The following EZR variants were observed in gnomAD, a reference collection of about 807,000 sequenced individuals.
EZR encodes the protein ezrin.
In EZR, 40 loss-of-function variants were observed where a neutral mutation model predicts 74.8. That is an observed-to-expected ratio of 0.53 (90% CI 0.42 to 0.70). EZR has a LOEUF of 0.70. EZR is among the 30% of genes least tolerant of loss of function. The pLI, the probability that EZR is intolerant of heterozygous loss-of-function variation, is 0.00. For synonymous variants in EZR, 341 were observed against 283.3 expected (o/e 1.20, Z -2.05); for missense variants, 678 against 755.8 (o/e 0.90, Z 1.21).
chr6:158,818,016 A>C (rs529924376), intron 2 of EZR, 66 bp downstream of exon 2: 1 of 1,540,548 alleles, frequency 6.5e-7, no homozygotes, highest in African/African-American at 1.4e-5. Context: ...CAACACCTCG[A>C]GCAGGTGCCT....
At chr6:158,773,192 G>T (rs1403088988) in intron 8 of EZR, among the ~76,000 whole-genome samples, 1 of 152,164 alleles carries the variant, frequency 6.6e-6, no homozygotes, top group African/African-American at 2.4e-5. Context: ...GGTTGTGGGG[G>T]TGCATGGGTG....
intron 2 of EZR, among the ~76,000 whole-genome samples, chr6:158,809,354 A>G (rs1363921010): frequency 1.3e-5 from 2 of 152,232 alleles, no homozygotes; most frequent in Non-Finnish European, 2.9e-5. Context: ...CAATGAGGAA[A>G]AAAGCAATTC....
At chr6:158,789,469 C>G (rs757804755) in intron 2 of EZR, 98 bp from the exon 3 acceptor site, 1 of 1,051,064 alleles carries the variant, frequency 9.5e-7, no homozygotes, top group Non-Finnish European at 1.5e-6. Context: ...AGTGTGGCGA[C>G]GGCATATGCC....
intron 7 of EZR, among the ~76,000 whole-genome samples, chr6:158,779,467 C>T (rs1465992202): frequency 2.0e-5 from 3 of 152,096 alleles, no homozygotes; most frequent in Non-Finnish European, 4.4e-5. Context: ...GGTATTTGGA[C>T]TACGGTTACA....
intron 2 of EZR, among the ~76,000 whole-genome samples, chr6:158,803,862 T>C (rs932207432): frequency 6.6e-6 from 1 of 151,958 alleles, no homozygotes; most frequent in African/African-American, 2.4e-5. Flanking sequence ...GTGCTCATTA[T>C]TATCAGCAAG....
rs188668595 is a variant in EZR, at chr6:158,793,251, A to T, written c.13-3880T>A. 1.6e-4 allele frequency among the ~76,000 whole-genome samples: 25 copies of T among 152,014 alleles called. No homozygotes were observed. In the East Asian group the frequency reaches 4.5e-3, roughly 27 times the overall value. ...GAGTGAGATCCTCTTTTAAAAAAAT[A>T]AAAATGATGATCAGGGAGTTGTTCT... On this transcript the variant is annotated intron_variant, in intron 2 of 13. Coordinates refer to ENST00000367075, the MANE Select transcript of EZR (RefSeq NM_001111077.2).
chr6:158,765,844 G>A lies in EZR; in HGVS notation c.*1070C>T, dbSNP rs1253041818. ...GAGAAAGCAGTGCACGAGAAGGAAT[G>A]AGTGGGCGGAACCAACGGCCTCCAC... On this transcript the variant is annotated 3_prime_UTR_variant, in exon 14 of 14. Transcript: ENST00000367075. 1 of 152,266 alleles carries A rather than the reference G, an allele frequency of 6.6e-6. No homozygotes were observed. Among genetic ancestry groups the A allele is most frequent in the Non-Finnish European group, 1.5e-5 (1 of 68,046 alleles). 9.4% of individuals were successfully genotyped at this position (152,266 alleles called of 1,614,324 possible).
chr6:158,767,342 A>G lies in EZR; in HGVS notation c.1515T>C (p.Ser505=), dbSNP rs1213208212. 3 of 1,613,710 alleles carry G rather than the reference A, an allele frequency of 1.9e-6. No individual in the cohort carries two copies. Among genetic ancestry groups the G allele is most frequent in the Non-Finnish European group, 8.5e-7 (1 of 1,180,000 alleles). The change falls in exon 13 of 14, where the codon AGT becomes AGC. Residue 505 remains serine, a synonymous_variant. Transcript: ENST00000367075. ...EPTGYSAELS[S]EGIRDDRNEE... ...CATTGCGGTCATCCCGGATGCCCTC[A>G]CTAGACAGCTCCGCGCTGTAGCCCG... is the stretch of plus-strand genomic sequence containing the variant.
At position 158,766,277 on chromosome 6, in the gene EZR, ATGTATTCTAAAAC is replaced by A. The variant is rs1186040518; in HGVS notation, c.*624_*636del. On this transcript the variant is annotated 3_prime_UTR_variant, in exon 14 of 14. Coordinates refer to ENST00000367075, the MANE Select transcript of EZR (RefSeq NM_001111077.2). ...ATCATTAATAAGGTGTATAAGTACA[ATGTATTCTAAAAC>A]TGTTAAGCAAAAAAAAAAAAAACAA... The A allele has an allele frequency of 1.3e-5, 2 of 151,054 alleles. No homozygotes were observed. The highest frequency in any genetic ancestry group is 2.9e-5 in the Non-Finnish European group (2 of 67,926). 9.4% of individuals were successfully genotyped at this position (151,054 alleles called of 1,614,324 possible).
At chr6:158,791,705 C>CTTTTTTTTTT (rs1562499412) in intron 2 of EZR, among the ~76,000 whole-genome samples, 3 of 62,578 alleles carry the variant, frequency 4.8e-5, no homozygotes, top group East Asian at 5.1e-4. Context: ...TTTCAGACTC[C>CTTTTTTTTTT]ATTTTTTTTT....
rs1017632676 is a variant in EZR at position 158,766,808 on chromosome 6, T to C, written c.*106A>G. 4 of 1,129,058 alleles carry C rather than the reference T, an allele frequency of 3.5e-6. No homozygotes were observed. In the Admixed American group the frequency reaches 8.8e-5, roughly 25 times the overall value. The allele number at this position is 1,129,058 out of a possible 1,614,324, so 69.9% of individuals were successfully genotyped here. A position where few individuals can be genotyped will look rare whatever the true frequency, so the allele number is the denominator to read the frequency against. ...TTGGGTAACTGCTTTCTAAAGGAAC[T>C]GGGATCTGAGGGAGTTCCTAGACTT... On this transcript the variant is annotated 3_prime_UTR_variant, in exon 14 of 14. Transcript: ENST00000367075.
rs1777602531 is a variant in EZR at position 158,818,140 on chromosome 6, C to T, written c.-47G>A. 1 of 1,604,208 alleles carries T rather than the reference C, an allele frequency of 6.2e-7. No homozygotes were observed. Among genetic ancestry groups the T allele is most frequent in the East Asian group, 2.2e-5 (1 of 44,610 alleles). ...CTCGATCCCCGAAAACACGACTATCCAGCAGCAGCGAAGACGCTGTCCCAA... is the reference window on the plus strand; with the variant it reads ...CTCGATCCCCGAAAACACGACTATCTAGCAGCAGCGAAGACGCTGTCCCAA... On this transcript the variant is annotated 5_prime_UTR_variant, in exon 2 of 14. Transcript: ENST00000367075.
At chr6:158,812,276 T>G (rs1405578066) in intron 2 of EZR, among the ~76,000 whole-genome samples, 1 of 152,178 alleles carries the variant, frequency 6.6e-6, no homozygotes. Context: ...AGTGACTGCT[T>G]TCACCCAAAT....
At chr6:158,787,686 CA>C (rs1293555341) in intron 3 of EZR, among the ~76,000 whole-genome samples, 5 of 152,154 alleles carry the variant, frequency 3.3e-5, no homozygotes, top group Non-Finnish European at 4.4e-5. Flanking sequence ...CCAGCTGGCC[CA>C]GGGGTCTGAC....
rs772987276 is a variant in EZR, at chr6:158,788,072, TA to T, written c.97-870del. Among the ~76,000 whole-genome samples the T allele has an allele frequency of 7.9e-5, 12 of 152,362 alleles. 1 individual carries two copies. The highest frequency in any genetic ancestry group is 1.3e-4 in the Non-Finnish European group (9 of 68,030). On this transcript the variant is annotated intron_variant, in intron 3 of 13. Transcript: ENST00000367075. ...GTCTAATTTAAAATCCCATGATATA[TA>T]ATGTTAAACTTTAAAAAATGCTACC...
chr6:158,818,140 C>CA lies in EZR; in HGVS notation c.-48dup, dbSNP rs1171728023. The CA allele has an allele frequency of 5.0e-6, 8 of 1,604,208 alleles. No individual in the cohort carries two copies. In the East Asian group the frequency reaches 6.7e-5, roughly 13 times the overall value. Reference sequence around the variant, plus strand: ...CTCGATCCCCGAAAACACGACTATCCAGCAGCAGCGAAGACGCTGTCCCAA... The same window carrying CA: ...CTCGATCCCCGAAAACACGACTATCCAAGCAGCAGCGAAGACGCTGTCCCAA... On this transcript the variant is annotated 5_prime_UTR_variant, in exon 2 of 14. Coordinates refer to ENST00000367075, the MANE Select transcript of EZR (RefSeq NM_001111077.2).
At chr6:158,804,945 G>T (rs903816813) in intron 2 of EZR, among the ~76,000 whole-genome samples, 1 of 125,210 alleles carries the variant, frequency 8.0e-6, no homozygotes, top group East Asian at 2.3e-4. Flanking sequence ...CCCAGAGTGT[G>T]ATATTCCCCT....
At chr6:158,775,348 A>C (rs948726496) in intron 8 of EZR, among the ~76,000 whole-genome samples, 2 of 152,202 alleles carry the variant, frequency 1.3e-5, no homozygotes, top group Non-Finnish European at 2.9e-5. Context: ...TTTTTAACAA[A>C]GAAGAAAATA....
chr6:158,774,024 G>A (rs1791195249), intron 8 of EZR, among the ~76,000 whole-genome samples: 1 of 152,212 alleles, frequency 6.6e-6, no homozygotes, highest in Non-Finnish European at 1.5e-5. Flanking sequence ...CAGTTGTTGG[G>A]TGAGAACTGG....
Sources: gnomAD v4.1 joint callset for allele counts (sites outside exome capture counted in the v4.1 genomes callset) on GRCh38, gnomAD v4.1.1 for gene constraint, MANE v1.5 for transcripts, NCBI Gene and HGNC (gene_info 2026-07-23, HGNC 2026-07-21) for gene names.